Variants in CNIH3 observed in about 807,000 individuals in gnomAD.
CNIH3 encodes the protein cornichon family AMPA receptor auxiliary protein 3, also known as protein cornichon homolog 3.
In CNIH3, 14 loss-of-function variants were observed where a neutral mutation model predicts 24.1. The ratio of observed to expected loss-of-function variants is 0.58; its 90% CI spans 0.38 to 0.91. The LOEUF is 0.91. Among genes scored for constraint, CNIH3 ranks in the 40% least tolerant of loss-of-function variants. The pLI is 0.00. For synonymous variants in CNIH3, 68 were observed against 73.8 expected, an observed-to-expected ratio of 0.92 and a Z score of 0.40; for missense variants, 178 against 196.8, an observed-to-expected ratio of 0.90 and a Z score of 0.57.
chr1:224,452,306 T>A (rs1048242715), intron 1 of CNIH3, among the ~76,000 whole-genome samples: 1 of 151,750 alleles, frequency 6.6e-6, no homozygotes, highest in Non-Finnish European at 1.5e-5. Flanking sequence ...CGTACCACCA[T>A]GCCCGGCTAA....
intron 4 of CNIH3, among the ~76,000 whole-genome samples, chr1:224,573,706 CT>C (rs1244779857): frequency 6.6e-6 from 1 of 152,068 alleles, no homozygotes; most frequent in Non-Finnish European, 1.5e-5. Context: ...TCTTGGGGAG[CT>C]TTTTTCCATG....
intron 1 of CNIH3, among the ~76,000 whole-genome samples, chr1:224,468,320 T>TTC (rs60890772): frequency 1.3e-5 from 2 of 151,694 alleles, no homozygotes; most frequent in Admixed American, 1.3e-4. Context: ...AACACAGTAT[T>TTC]TCTATTTATT....
chr1:224,606,141 G>A (rs1365055015), intron 3 of CNIH3, among the ~76,000 whole-genome samples: 10 of 152,154 alleles, frequency 6.6e-5, no homozygotes, highest in East Asian at 5.8e-4. Flanking sequence ...GGGTACTTGC[G>A]ACCCCCCCAG....
At chr1:224,459,835 C>G (rs547993404) in intron 1 of CNIH3, among the ~76,000 whole-genome samples, 1 of 151,266 alleles carries the variant, frequency 6.6e-6, no homozygotes, top group Non-Finnish European at 1.5e-5. Context: ...TTCAGTTCCC[C>G]TGCACACCCT....
intron 3 of CNIH3, among the ~76,000 whole-genome samples, chr1:224,686,991 G>A (rs868078361): frequency 1.3e-5 from 2 of 152,048 alleles, no homozygotes; most frequent in Non-Finnish European, 2.9e-5. Context: ...TTTTTCCCAC[G>A]CCACTGCCTC....
chr1:224,559,953 ATATTT>A (rs1243330802), intron 3 of CNIH3, among the ~76,000 whole-genome samples: 10 of 152,184 alleles, frequency 6.6e-5, no homozygotes, highest in South Asian at 2.1e-4. Flanking sequence ...CCTAAATATG[ATATTT>A]TAGTTTCAAC....
intron 1 of CNIH3, among the ~76,000 whole-genome samples, chr1:224,631,015 C>T (rs975259723): frequency 5.9e-5 from 9 of 151,988 alleles, no homozygotes; most frequent in Non-Finnish European, 1.5e-5. Flanking sequence ...AAAAATTAGC[C>T]GGGCGTGGTG....
intron 4 of CNIH3, among the ~76,000 whole-genome samples, chr1:224,566,491 A>C (rs555441761): frequency 1.1e-4 from 17 of 152,164 alleles, no homozygotes; most frequent in Admixed American, 2.0e-4. Context: ...CATCTACATT[A>C]GGTATTTCTC....
chr1:224,457,271 CTCTCTGTGTGTGTG>C (rs527375112), intron 1 of CNIH3, among the ~76,000 whole-genome samples: 923 of 82,248 alleles, frequency 0.011, 17 homozygotes, highest in Middle Eastern at 0.04. Context: ...CCTCCTCTCT[CTCTCTGTGTGTGTG>C]TGTGTGTGTG....
In CNIH3 at chr1:224,684,505, GA is replaced by G. The variant is rs1686558711; in HGVS notation, c.151-290del. Among the ~76,000 whole-genome samples the G allele has an allele frequency of 6.6e-6, 1 of 152,238 alleles. No homozygotes were observed. Among genetic ancestry groups the G allele is most frequent in the East Asian group, 1.9e-4 (1 of 5,200 alleles). On this transcript the variant is annotated intron_variant, in intron 2 of 5. Transcript: ENST00000272133. This position sits in a 1 kb window ranked among gnomAD's most constrained non-coding sequence, Gnocchi z 4.2. Reference sequence around the variant, plus strand: ...TTATACGTACATGGAGGCTGAGAGAGACTTTGTAGATAAAGGAACAGAAATC... The same window carrying G: ...TTATACGTACATGGAGGCTGAGAGAGCTTTGTAGATAAAGGAACAGAAATC...
At chr1:224,581,493 T>C (rs1486641301) in intron 4 of CNIH3, among the ~76,000 whole-genome samples, 3 of 152,208 alleles carry the variant, frequency 2.0e-5, no homozygotes, top group South Asian at 2.1e-4. Flanking sequence ...TATTGACTAA[T>C]TGAGTGGTAC....
At chr1:224,632,554 G>A (rs1683875936) in intron 1 of CNIH3, among the ~76,000 whole-genome samples, 1 of 152,118 alleles carries the variant, frequency 6.6e-6, no homozygotes, top group South Asian at 2.1e-4. Context: ...GGATTGGGTA[G>A]GGGGCAGGTC....
At chr1:224,473,809 T>C (rs1676462439) in intron 1 of CNIH3, among the ~76,000 whole-genome samples, 1 of 152,156 alleles carries the variant, frequency 6.6e-6, no homozygotes. Context: ...TAATAGATAT[T>C]TACAGAACGT....
chr1:224,576,418 T>C (rs1394334556), intron 4 of CNIH3, among the ~76,000 whole-genome samples: 1 of 152,242 alleles, frequency 6.6e-6, no homozygotes, highest in Admixed American at 6.5e-5. Context: ...TTCCTGCCCT[T>C]CAGAAATACT....
At chr1:224,622,450 T>C (rs568365214) in intron 1 of CNIH3, among the ~76,000 whole-genome samples, 2 of 152,338 alleles carry the variant, frequency 1.3e-5, no homozygotes, top group South Asian at 4.1e-4. Flanking sequence ...ATTGTTTGCG[T>C]TGCTTGCCGC....
intron 4 of CNIH3, among the ~76,000 whole-genome samples, chr1:224,573,553 G>A (rs1159361169): frequency 6.6e-6 from 1 of 152,156 alleles, no homozygotes; most frequent in East Asian, 1.9e-4. Flanking sequence ...CCTTTTCTAA[G>A]GCAGAATAAG....
rs1683021272 is a variant in CNIH3 at position 224,616,797 on chromosome 1, CTCCTCCCTCGG to C, written c.-371_-361del. 2.0e-5 allele frequency: 21 copies of C among 1,062,448 alleles called. No homozygotes were observed. The highest frequency in any genetic ancestry group is 2.3e-5 in the Non-Finnish European group (20 of 879,624). The allele number at this position is 1,062,448 out of a possible 1,614,324, so 65.8% of individuals were successfully genotyped here. A position where few individuals can be genotyped will look rare whatever the true frequency, so the allele number is the denominator to read the frequency against. ...GAGCTCTTCCTGGGGCGAATGGGAC[CTCCTCCCTCGG>C]TCCTCCGTGGAGTCGTCGCATCGCT... is the stretch of plus-strand genomic sequence containing the variant. On this transcript the variant is annotated 5_prime_UTR_variant, in exon 1 of 6. An upstream open reading frame in the 5' UTR gains an earlier in-frame stop. Coordinates refer to ENST00000272133, the MANE Select transcript of CNIH3 (RefSeq NM_152495.2).
At chr1:224,551,625 A>G (rs1679924756) in intron 3 of CNIH3, among the ~76,000 whole-genome samples, 1 of 152,130 alleles carries the variant, frequency 6.6e-6, no homozygotes, top group Non-Finnish European at 1.5e-5. Context: ...TAAACACTAG[A>G]TATTATAGAA....
intron 1 of CNIH3, among the ~76,000 whole-genome samples, chr1:224,627,089 G>A (rs1409786532): frequency 1.3e-5 from 2 of 152,216 alleles, no homozygotes; most frequent in East Asian, 1.9e-4. Flanking sequence ...ATGTGTTCAC[G>A]GGACTTAGGA....
Sources: allele counts gnomAD v4.1 joint callset (sites outside exome capture counted in the v4.1 genomes callset), GRCh38; gene constraint gnomAD v4.1.1; non-coding constraint Gnocchi (gnomAD v3.1); transcripts MANE v1.5; gene names NCBI Gene and HGNC (gene_info 2026-07-23, HGNC 2026-07-21).